The following AMMECR1 variants were observed in gnomAD, a reference collection of about 807,000 sequenced individuals.
AMMECR1 encodes AMMECR nuclear protein 1, also known as nuclear protein AMMECR1.
In AMMECR1, 3 loss-of-function variants were observed where a neutral mutation model predicts 22.5. That is an observed-to-expected ratio of 0.13 (90% CI 0.06 to 0.35). The LOEUF (loss-of-function observed/expected upper bound fraction) is 0.35, where lower values mean the gene tolerates loss of function less well. Among genes scored for constraint, AMMECR1 ranks in the 10% least tolerant of loss-of-function variants. AMMECR1 has a pLI of 1.00. For missense variants in AMMECR1, 235 were observed against 278.7 expected, an observed-to-expected ratio of 0.84 and a Z score of 1.12; for synonymous variants, 130 against 116.7, an observed-to-expected ratio of 1.11 and a Z score of -0.74.
intron 1 of AMMECR1, among the ~76,000 whole-genome samples, chrX:110,296,366 G>T (rs2067935864): frequency 9.0e-6 from 1 of 111,664 alleles, no homozygotes; most frequent in Admixed American, 9.6e-5. Context: ...TTGTATCTGG[G>T]TGTGAATCCT....
intron 2 of AMMECR1, among the ~76,000 whole-genome samples, chrX:110,224,515 T>G (rs989378470): frequency 9.3e-6 from 1 of 107,763 alleles, no homozygotes; most frequent in Admixed American, 9.8e-5. Context: ...TTACAGGGAG[T>G]TTTACAGAAA....
chrX:110,317,628 G>C lies in AMMECR1; in HGVS notation c.444C>G (p.Pro148=). The C allele has an allele frequency of 1.7e-6, 2 of 1,199,981 alleles. No homozygotes were observed. Among genetic ancestry groups the C allele is most frequent in the Non-Finnish European group, 2.3e-6 (2 of 888,728 alleles). The change falls in exon 1 of 6, where the codon CCC becomes CCG. Residue 148 remains proline, a synonymous_variant. Transcript: ENST00000262844. ...GCTCGTTGGTGAATCGGGGGGTCCG[G>C]GGCTGCTGGTATCCATACAGGTGAC... The part of the protein sequence containing the change: ...LYCHLYGYQQ[P]RTPRFTNEPY...
chrX:110,300,450 ATTACAGTTATCTC>A (rs968590801), intron 1 of AMMECR1, among the ~76,000 whole-genome samples: 1 of 112,239 alleles, frequency 8.9e-6, no homozygotes, highest in African/African-American at 3.2e-5. Context: ...TCGGTTTTCT[ATTACAGTTATCTC>A]TTATCTGTGA....
At chrX:110,305,612 C>T (rs1374014269) in intron 1 of AMMECR1, 5 of 111,729 alleles carry the variant, frequency 4.5e-5, no homozygotes, top group Non-Finnish European at 9.4e-5. Flanking sequence ...GCCACTGCCA[C>T]ACTTAGATGT....
chrX:110,342,211 T>C (rs2068167436), intron 2 of AMMECR1, among the ~76,000 whole-genome samples: 1 of 112,085 alleles, frequency 8.9e-6, no homozygotes, highest in Non-Finnish European at 1.9e-5. Context: ...TAGATATGTA[T>C]GTATGGGAAA....
chrX:110,341,441 T>C (rs2068163703), intron 2 of AMMECR1, among the ~76,000 whole-genome samples: 1 of 112,541 alleles, frequency 8.9e-6, no homozygotes, highest in Non-Finnish European at 1.9e-5. Flanking sequence ...CAGCCAACTG[T>C]GGTCCAAAAA....
Position 110,202,545 on chromosome X carries a change from A to C in AMMECR1, c.700-9T>G. On this transcript the variant is annotated splice_polypyrimidine_tract_variant and intron_variant, in intron 3 of 5. Transcript: ENST00000262844. ...ATGCCATGTACACCCACCTGAAAGA[A>C]ATTGGCAGTTTTATTAGTACAGTCT... is the stretch of plus-strand genomic sequence containing the variant. The C allele has an allele frequency of 8.7e-7, 1 of 1,145,949 alleles. No homozygotes were observed. The highest frequency in any genetic ancestry group is 1.8e-5 in the South Asian group (1 of 54,502). 94.4% of individuals were successfully genotyped at this position (1,145,949 alleles called of 1,213,427 possible).
chrX:110,407,437 T>C (rs1025487717), intron 2 of AMMECR1, among the ~76,000 whole-genome samples: 2 of 112,174 alleles, frequency 1.8e-5, no homozygotes, highest in Non-Finnish European at 3.8e-5. Context: ...AAGCCACTTT[T>C]CAGCACATAC....
At chrX:110,354,258 C>A (rs2068221847) in intron 2 of AMMECR1, among the ~76,000 whole-genome samples, 1 of 111,884 alleles carries the variant, frequency 8.9e-6, no homozygotes, top group South Asian at 3.7e-4. Context: ...CTGATTTCAA[C>A]ATACAGCGAG....
intron 2 of AMMECR1, among the ~76,000 whole-genome samples, chrX:110,414,059 C>A: frequency 9.0e-6 from 1 of 111,662 alleles, no homozygotes. Flanking sequence ...CAGAATCTTG[C>A]GTATATCCCC....
intron 3 of AMMECR1, 104 bp downstream of exon 3, chrX:110,216,414 T>C (rs1016520810): frequency 1.9e-6 from 1 of 531,419 alleles, no homozygotes; most frequent in African/African-American, 2.4e-5. Context: ...TCGACCTCCA[T>C]TACAATAGAG....
chrX:110,257,698 C>T (rs775652453), intron 2 of AMMECR1, among the ~76,000 whole-genome samples: 138 of 111,456 alleles, frequency 1.2e-3, no homozygotes, highest in Non-Finnish European at 2.0e-3. Context: ...TTTATAGATA[C>T]CTTTAAATAC....
intron 1 of AMMECR1, among the ~76,000 whole-genome samples, chrX:110,437,906 A>C (rs1019336596): frequency 9.0e-6 from 1 of 111,523 alleles, no homozygotes; most frequent in African/African-American, 3.3e-5. Flanking sequence ...GTACCTTTGC[A>C]GGGAGTTCCC....
At chrX:110,395,841 G>A (rs1451785646) in intron 2 of AMMECR1, among the ~76,000 whole-genome samples, 1 of 110,725 alleles carries the variant, frequency 9.0e-6, no homozygotes, top group Non-Finnish European at 1.9e-5. Context: ...CAACATGGAG[G>A]GCTCCAGGCC....
intron 2 of AMMECR1, among the ~76,000 whole-genome samples, chrX:110,247,704 A>AG (rs1342299844): frequency 9.0e-6 from 1 of 110,517 alleles, no homozygotes; most frequent in East Asian, 2.8e-4. Flanking sequence ...AAAAAAAAAA[A>AG]CAAACAAAAA....
At chrX:110,411,161 A>T (rs1188241976) in intron 2 of AMMECR1, among the ~76,000 whole-genome samples, 1 of 112,086 alleles carries the variant, frequency 8.9e-6, no homozygotes, top group East Asian at 2.8e-4. Flanking sequence ...GTGGCCTCCG[A>T]CAGTGAACCT....
At chrX:110,247,430 C>A (rs2067663834) in intron 2 of AMMECR1, among the ~76,000 whole-genome samples, 1 of 112,308 alleles carries the variant, frequency 8.9e-6, no homozygotes, top group South Asian at 3.7e-4. Context: ...GTGGCTTACA[C>A]CTGTAATCCC....
At chrX:110,304,745 G>C (rs904597885) in intron 1 of AMMECR1, among the ~76,000 whole-genome samples, 1 of 112,026 alleles carries the variant, frequency 8.9e-6, no homozygotes, top group Non-Finnish European at 1.9e-5. Flanking sequence ...ATTGTCAACT[G>C]TTAGACCTTC....
At chrX:110,346,842 A>G (rs2068191871) in intron 2 of AMMECR1, 2 of 659,299 alleles carry the variant, frequency 3.0e-6, no homozygotes, top group Admixed American at 4.5e-5. Context: ...TACGCTGTTG[A>G]GCCCGGCCTC....
Sources: gnomAD v4.1 joint callset for allele counts (sites outside exome capture counted in the v4.1 genomes callset) on GRCh38, gnomAD v4.1.1 for gene constraint, MANE v1.5 for transcripts, NCBI Gene and HGNC (gene_info 2026-07-23, HGNC 2026-07-21) for gene names.